Variants in CACUL1 observed in about 807,000 individuals in gnomAD.
The protein encoded by CACUL1 is CDK2 associated cullin domain 1, also known as CDK2-associated and cullin domain-containing protein 1.
In CACUL1, 13 loss-of-function variants were observed where a neutral mutation model predicts 45.2. The ratio of observed to expected loss-of-function variants is 0.29; its 90% confidence interval spans 0.19 to 0.46. The LOEUF is 0.46. Ranked by LOEUF, CACUL1 falls within the 20% of genes least tolerant of loss-of-function variation. The pLI, the probability that CACUL1 is intolerant of heterozygous loss-of-function variation, is 1.00. For missense variants in CACUL1, 421 were observed against 471.4 expected, an observed-to-expected ratio of 0.89 and a Z score of 0.99; for synonymous variants, 197 against 174.2, an observed-to-expected ratio of 1.13 and a Z score of -1.03.
chr10:118,696,587 G>A (rs1055542268), intron 5 of CACUL1, among the ~76,000 whole-genome samples: 3 of 152,198 alleles, frequency 2.0e-5, no homozygotes, highest in Non-Finnish European at 4.4e-5. Flanking sequence ...AGGCTGCAGT[G>A]AGCCAAGATC....
At chr10:118,726,982 T>A (rs1845657696) in intron 3 of CACUL1, among the ~76,000 whole-genome samples, 1 of 152,192 alleles carries the variant, frequency 6.6e-6, no homozygotes, top group African/African-American at 2.4e-5. Context: ...AGGAATCATT[T>A]TGAAGCTAGA....
intron 5 of CACUL1, among the ~76,000 whole-genome samples, chr10:118,698,181 CTG>C (rs1212893010): frequency 2.7e-5 from 4 of 148,806 alleles, no homozygotes; most frequent in African/African-American, 1.0e-4. Flanking sequence ...GAGTCTCACT[CTG>C]TAGCCAGGCT....
At position 118,710,667 on chromosome 10, in the gene CACUL1, A is replaced by G. The variant is rs537032325; in HGVS notation, c.598-3080T>C. 1.1e-4 allele frequency among the ~76,000 whole-genome samples: 17 copies of G among 152,282 alleles called. No individual in the cohort carries two copies. In the South Asian group the frequency reaches 3.3e-3, roughly 30 times the overall value. On this transcript the variant is annotated intron_variant, in intron 3 of 8. Coordinates refer to ENST00000369151, the MANE Select transcript of CACUL1 (RefSeq NM_153810.5). ...ACTGCACTCACTTCCCTCACTGGGTAGTCTGCCACTACCTTCAAACCCCTG... is the reference window on the plus strand; with the variant it reads ...ACTGCACTCACTTCCCTCACTGGGTGGTCTGCCACTACCTTCAAACCCCTG...
chr10:118,707,701 CAA>C (rs879008510), intron 3 of CACUL1, 114 bp from the exon 4 acceptor site: 5,391 of 319,878 alleles, frequency 0.017, no homozygotes, highest in South Asian at 0.031. Context: ...TCACAATTAA[CAA>C]AAAAAAAAAA....
intron 3 of CACUL1, among the ~76,000 whole-genome samples, chr10:118,721,524 A>C (rs371272102): frequency 6.6e-6 from 1 of 151,892 alleles, no homozygotes. Context: ...AATACTTAAA[A>C]CTACTGTAAA....
At chr10:118,754,342 G>A in intron 1 of CACUL1, 54 bp downstream of exon 1, 1 of 1,439,630 alleles carries the variant, frequency 6.9e-7, no homozygotes, top group South Asian at 1.5e-5. Context: ...GGGTGGATTC[G>A]GCGTCCGAGT....
At chr10:118,717,990 T>C (rs538337638) in intron 3 of CACUL1, among the ~76,000 whole-genome samples, 82 of 152,138 alleles carry the variant, frequency 5.4e-4, no homozygotes, top group African/African-American at 1.9e-3. Flanking sequence ...ATGGAAGACA[T>C]GAACAAAAAC....
chr10:118,731,255 A>C (rs1285138501), intron 1 of CACUL1, among the ~76,000 whole-genome samples: 1 of 152,198 alleles, frequency 6.6e-6, no homozygotes, highest in Non-Finnish European at 1.5e-5. Context: ...CAACGAGACC[A>C]GGTATTTCAC....
intron 1 of CACUL1, among the ~76,000 whole-genome samples, chr10:118,733,104 C>T (rs767122383): frequency 9.2e-5 from 14 of 152,210 alleles, no homozygotes; most frequent in South Asian, 2.1e-4. Flanking sequence ...AGCACTCCTA[C>T]TTCTCAAGCA....
At chr10:118,747,971 G>A (rs898852382) in intron 1 of CACUL1, among the ~76,000 whole-genome samples, 2 of 152,172 alleles carry the variant, frequency 1.3e-5, no homozygotes, top group Non-Finnish European at 2.9e-5. Context: ...TGTAATCCCA[G>A]CTGCTCGGGA....
Position 118,677,794 on chromosome 10 carries a change from T to C in CACUL1, c.*8334A>G, listed in dbSNP as rs950585460. 6.6e-6 allele frequency: 1 copy of C among 152,216 alleles called. No homozygotes were observed. The highest frequency in any genetic ancestry group is 1.5e-5 in the Non-Finnish European group (1 of 68,038). 9.4% of individuals were successfully genotyped at this position (152,216 alleles called of 1,614,324 possible). ...TCCCTCCTTCATTCCTTTTAATTAT[T>C]ACACATAATGCTGTTATAAACATCC... On this transcript the variant is annotated 3_prime_UTR_variant, in exon 9 of 9. Transcript: ENST00000369151.
intron 3 of CACUL1, among the ~76,000 whole-genome samples, chr10:118,718,583 C>A (rs10787857): frequency 0.69 from 105,392 of 151,996 alleles, 37,306 homozygotes; most frequent in Non-Finnish European, 0.76. Context: ...ATTTATTATT[C>A]TTATTTCTTT....
At chr10:118,686,520 G>T in intron 8 of CACUL1, 78 bp downstream of exon 8, 1 of 1,085,936 alleles carries the variant, frequency 9.2e-7, no homozygotes, top group Non-Finnish European at 1.4e-6. Context: ...CAAATTCAAT[G>T]CACTGTTATC....
intron 4 of CACUL1, among the ~76,000 whole-genome samples, chr10:118,706,735 G>A (rs1160288553): frequency 6.6e-6 from 1 of 152,184 alleles, no homozygotes; most frequent in African/African-American, 2.4e-5. Context: ...AGAAATAAGT[G>A]TAAATGAAAA....
At chr10:118,744,108 G>A (rs1845817924) in intron 1 of CACUL1, among the ~76,000 whole-genome samples, 1 of 152,202 alleles carries the variant, frequency 6.6e-6, no homozygotes, top group Non-Finnish European at 1.5e-5. Flanking sequence ...TCTGGAGGCC[G>A]GATGCGGTGG....
At chr10:118,719,170 G>C (rs1014638903) in intron 3 of CACUL1, among the ~76,000 whole-genome samples, 1 of 152,170 alleles carries the variant, frequency 6.6e-6, no homozygotes, top group Admixed American at 6.5e-5. Flanking sequence ...ATTTTTAAAA[G>C]AGTCAAATGG....
rs564739550 is a variant in CACUL1, at chr10:118,741,481, C to A, written c.368-11071G>T. ...AGACAGACAGACACACACACACACA[C>A]ACCCCCTCACTTCACACCTTTATAC... On this transcript the variant is annotated intron_variant, in intron 1 of 8. Coordinates refer to ENST00000369151, the MANE Select transcript of CACUL1 (RefSeq NM_153810.5). Among the ~76,000 whole-genome samples, 4 of 152,142 alleles carry A rather than the reference C, an allele frequency of 2.6e-5. No individual in the cohort carries two copies. In the South Asian group the frequency reaches 8.3e-4, roughly 32 times the overall value.
intron 5 of CACUL1, among the ~76,000 whole-genome samples, chr10:118,696,433 G>A (rs1845323748): frequency 6.6e-6 from 1 of 152,214 alleles, no homozygotes; most frequent in African/African-American, 2.4e-5. Flanking sequence ...ACAAGGTCAG[G>A]AGTTCAAGAC....
At chr10:118,726,442 C>A in intron 3 of CACUL1, 1 of 594,018 alleles carries the variant, frequency 1.7e-6, no homozygotes, top group Non-Finnish European at 2.6e-6. Flanking sequence ...AGAGTCCCTC[C>A]CCCTCAAGGA....
Sources: allele counts gnomAD v4.1 joint callset (sites outside exome capture counted in the v4.1 genomes callset), GRCh38; gene constraint gnomAD v4.1.1; transcripts MANE v1.5; gene names NCBI Gene and HGNC (gene_info 2026-07-23, HGNC 2026-07-21).